BCAS3: variants seen among roughly 807,000 people sequenced by gnomAD.
The protein encoded by BCAS3 is BCAS3 microtubule associated cell migration factor.
In BCAS3, 53 loss-of-function variants were observed where a neutral mutation model predicts 116.1. That is an observed-to-expected ratio of 0.46 (90% CI 0.37 to 0.57). The LOEUF is 0.57. Ranked by LOEUF, BCAS3 falls within the 20% of genes least tolerant of loss-of-function variation. The pLI is 0.00. For synonymous variants in BCAS3, 391 were observed against 408.2 expected, an observed-to-expected ratio of 0.96 and a Z score of 0.51; for missense variants, 917 against 1,165.4, an observed-to-expected ratio of 0.79 and a Z score of 3.10.
In BCAS3 at chr17:60,971,175, C is replaced by A. The variant is rs552938876; in HGVS notation, c.1222-18796C>A. ...TATGATTTGTTTGCAGAACTCATGG[C>A]CCCAAAGAGGTGCATCTGTAGTCTG... On this transcript the variant is annotated intron_variant, in intron 14 of 23. Coordinates refer to ENST00000407086, the MANE Select transcript of BCAS3 (RefSeq NM_017679.5). Among the ~76,000 whole-genome samples, 69 of 152,240 alleles carry A rather than the reference C, an allele frequency of 4.5e-4. No individual in the cohort carries two copies. In the South Asian group the frequency reaches 0.014, roughly 32 times the overall value.
intron 22 of BCAS3, among the ~76,000 whole-genome samples, chr17:61,148,340 T>A (rs2143983553): frequency 1.3e-5 from 2 of 152,366 alleles, no homozygotes; most frequent in Middle Eastern, 6.8e-3. Context: ...GTACTTACTA[T>A]GTACCAACCA....
chr17:61,367,399 T>A lies in BCAS3; in HGVS notation c.2426-928T>A, dbSNP rs1472607512. 1 of 152,490 alleles carries A rather than the reference T, an allele frequency of 6.6e-6. No individual in the cohort carries two copies. The highest frequency in any genetic ancestry group is 1.5e-5 in the Non-Finnish European group (1 of 68,012). 9.4% of individuals were successfully genotyped at this position (152,490 alleles called of 1,614,324 possible). On this transcript the variant is annotated intron_variant, in intron 22 of 23. Transcript: ENST00000407086. The surrounding 1 kb of genome is among the most constrained non-coding windows in gnomAD (Gnocchi z 6.2). The stretch of plus-strand genomic sequence containing the variant: ...TATAATAAAGTAGAATAATTCAAGT[T>A]CGGACTTTGAAGTGATCTCACATGT...
intron 22 of BCAS3, among the ~76,000 whole-genome samples, chr17:61,358,859 C>T (rs1484984383): frequency 3.9e-5 from 6 of 152,052 alleles, no homozygotes; most frequent in African/African-American, 1.4e-4. Flanking sequence ...TATTCCTGCC[C>T]GAAACAGTCA....
Position 61,126,468 on chromosome 17 carries a change from T to C in BCAS3, c.2425+41904T>C, listed in dbSNP as rs970755713. On this transcript the variant is annotated intron_variant, in intron 22 of 23. Coordinates refer to ENST00000407086, the MANE Select transcript of BCAS3 (RefSeq NM_017679.5). The surrounding 1 kb of genome is among the most constrained non-coding windows in gnomAD (Gnocchi z 4.6). ...AAAAACCGAAGGACAATAGTCATTATATGATTTTGTATTTTAAGTATTTTC... is the reference window on the plus strand; with the variant it reads ...AAAAACCGAAGGACAATAGTCATTACATGATTTTGTATTTTAAGTATTTTC... Among the ~76,000 whole-genome samples, 1 of 152,222 alleles carries C rather than the reference T, an allele frequency of 6.6e-6. No homozygotes were observed.
intron 6 of BCAS3, among the ~76,000 whole-genome samples, chr17:60,771,327 A>G (rs1047951043): frequency 3.3e-5 from 5 of 152,124 alleles, no homozygotes; most frequent in African/African-American, 1.2e-4. Flanking sequence ...GTGAAATGCA[A>G]TGGAAATTGC....
At chr17:60,925,940 T>C (rs1313145806) in intron 13 of BCAS3, among the ~76,000 whole-genome samples, 2 of 152,172 alleles carry the variant, frequency 1.3e-5, no homozygotes, top group East Asian at 3.8e-4. Context: ...ATTTGTTTCA[T>C]GTATACCCTA....
intron 5 of BCAS3, among the ~76,000 whole-genome samples, chr17:60,724,256 C>A (rs1321288636): frequency 6.7e-6 from 1 of 150,210 alleles, no homozygotes; most frequent in East Asian, 2.0e-4. Context: ...AAACAGTTCG[C>A]TACTGAAAAT....
chr17:61,168,565 T>G (rs1481217809), intron 22 of BCAS3, among the ~76,000 whole-genome samples: 3 of 152,202 alleles, frequency 2.0e-5, no homozygotes, highest in African/African-American at 7.2e-5. Flanking sequence ...CCCTAGTAAT[T>G]TAATTAGGCC....
chr17:60,976,717 G>A (rs900877403), intron 14 of BCAS3, among the ~76,000 whole-genome samples: 5 of 152,134 alleles, frequency 3.3e-5, no homozygotes, highest in Non-Finnish European at 7.3e-5. Context: ...TTAACCCTGA[G>A]TGGACACAGC....
rs911301003 is a variant in BCAS3, at chr17:61,139,460, T to G, written c.2425+54896T>G. 6.6e-6 allele frequency among the ~76,000 whole-genome samples: 1 copy of G among 152,242 alleles called. No individual in the cohort carries two copies. ...CTGTCGAGAGAGCATGGCTGCACCC[T>G]GTGCATTCTGGGCACACATCATCTG... On this transcript the variant is annotated intron_variant, in intron 22 of 23. Coordinates refer to ENST00000407086, the MANE Select transcript of BCAS3 (RefSeq NM_017679.5). This position sits in a 1 kb window ranked among gnomAD's most constrained non-coding sequence, Gnocchi z 4.7.
At chr17:60,842,082 T>C (rs1362722301) in intron 7 of BCAS3, among the ~76,000 whole-genome samples, 1 of 152,236 alleles carries the variant, frequency 6.6e-6, no homozygotes, top group Non-Finnish European at 1.5e-5. Context: ...TATGTTATAC[T>C]TCTGTATATC....
chr17:60,789,316 C>A (rs1361709879), intron 6 of BCAS3, among the ~76,000 whole-genome samples: 1 of 151,962 alleles, frequency 6.6e-6, no homozygotes, highest in Non-Finnish European at 1.5e-5. Context: ...AGCTTAAATC[C>A]TTTGGTTTAA....
chr17:61,237,414 G>C (rs953336561), intron 22 of BCAS3, among the ~76,000 whole-genome samples: 10 of 152,220 alleles, frequency 6.6e-5, no homozygotes, highest in Admixed American at 1.3e-4. Flanking sequence ...CGGAACATGG[G>C]TGGGGACAAA....
intron 7 of BCAS3, among the ~76,000 whole-genome samples, chr17:60,858,777 G>A (rs2053900958): frequency 6.6e-6 from 1 of 152,058 alleles, no homozygotes; most frequent in Non-Finnish European, 1.5e-5. Context: ...TAAAATTTTA[G>A]TCATTCTATT....
intron 4 of BCAS3, among the ~76,000 whole-genome samples, chr17:60,703,978 T>C (rs1163849832): frequency 6.6e-6 from 1 of 150,792 alleles, no homozygotes; most frequent in Admixed American, 6.6e-5. Flanking sequence ...TAATATGATT[T>C]GAGAAAAAGC....
chr17:61,310,956 C>T (rs1210851290), intron 22 of BCAS3, among the ~76,000 whole-genome samples: 2 of 152,150 alleles, frequency 1.3e-5, no homozygotes, highest in East Asian at 3.9e-4. Flanking sequence ...TTTTAAATCC[C>T]AGCCCTGTCT....
At chr17:60,970,737 G>A (rs969184746) in intron 14 of BCAS3, among the ~76,000 whole-genome samples, 1 of 152,092 alleles carries the variant, frequency 6.6e-6, no homozygotes, top group African/African-American at 2.4e-5. Flanking sequence ...ATCTAAAACT[G>A]AGTTTTAAAA....
chr17:60,725,734 G>C (rs1336827832), intron 5 of BCAS3, among the ~76,000 whole-genome samples: 1 of 152,182 alleles, frequency 6.6e-6, no homozygotes, highest in African/African-American at 2.4e-5. Flanking sequence ...CATCAGTAGT[G>C]CTGAGGTTGA....
chr17:60,818,510 T>C (rs1405598825), intron 7 of BCAS3, among the ~76,000 whole-genome samples: 2 of 152,232 alleles, frequency 1.3e-5, no homozygotes, highest in Non-Finnish European at 2.9e-5. Context: ...CTTTTTGTCA[T>C]GAAAAATCCC....
Sources: allele counts gnomAD v4.1 joint callset (sites outside exome capture counted in the v4.1 genomes callset), GRCh38; gene constraint gnomAD v4.1.1; non-coding constraint Gnocchi (gnomAD v3.1); transcripts MANE v1.5; gene names NCBI Gene and HGNC (gene_info 2026-07-23, HGNC 2026-07-21).